The following ADORA2B variants were observed in gnomAD, a reference collection of about 807,000 sequenced individuals.
The protein encoded by ADORA2B is adenosine A2b receptor, also known as adenosine receptor A2b.
Under a neutral mutation model 20.8 loss-of-function variants are expected in ADORA2B, and 18 were observed. The observed-to-expected ratio is 0.87, with a 90% CI of 0.60 to 1.29. ADORA2B has a LOEUF of 1.29. Among genes scored for constraint, ADORA2B ranks in the 50% most tolerant of loss-of-function variants. The pLI, the probability that ADORA2B is intolerant of heterozygous loss-of-function variation, is 0.00. For synonymous variants in ADORA2B, 179 were observed against 178.3 expected (o/e 1.00, Z -0.03); for missense variants, 441 against 422.7 (o/e 1.04, Z -0.38).
chr17:15,882,152 G>A, the ADORA2B span, among the ~76,000 whole-genome samples: 1 of 152,196 alleles, frequency 6.6e-6, no homozygotes, highest in African/African-American at 2.4e-5. Context: ...AACTCATCAA[G>A]GTTGTAGAAT....
At chr17:15,874,692 T>G in the ADORA2B span, among the ~76,000 whole-genome samples, 11 of 152,172 alleles carry the variant, frequency 7.2e-5, no homozygotes, top group South Asian at 1.0e-3. Context: ...ACACCATCTC[T>G]GGGGATAAAA....
chr17:15,915,514 C>CT, the ADORA2B span, among the ~76,000 whole-genome samples: 3 of 152,300 alleles, frequency 2.0e-5, no homozygotes, highest in East Asian at 5.8e-4. Flanking sequence ...TCCATGGAAT[C>CT]TTTCTGTATT....
At chr17:15,960,009 G>T (rs1036516497) in intron 1 of ADORA2B, among the ~76,000 whole-genome samples, 2 of 152,178 alleles carry the variant, frequency 1.3e-5, no homozygotes, top group Non-Finnish European at 2.9e-5. Context: ...TCCGGGCACG[G>T]TGGCTCACAC....
the ADORA2B span, among the ~76,000 whole-genome samples, chr17:15,894,090 T>C: frequency 2.6e-5 from 4 of 152,282 alleles, no homozygotes; most frequent in East Asian, 7.7e-4. Context: ...GAACATACTT[T>C]GGAAAATGCT....
At chr17:15,974,631 T>C in intron 1 of ADORA2B, 48 bp from the exon 2 acceptor site, 1 of 1,522,570 alleles carries the variant, frequency 6.6e-7, no homozygotes. Flanking sequence ...GGATTGTGGT[T>C]GCAGAGCGCT....
At chr17:15,961,531 A>T (rs114559066) in intron 1 of ADORA2B, among the ~76,000 whole-genome samples, 1 of 152,302 alleles carries the variant, frequency 6.6e-6, no homozygotes, top group East Asian at 1.9e-4. Context: ...CTGTAAGGGT[A>T]TGTTTTCCCC....
the ADORA2B span, among the ~76,000 whole-genome samples, chr17:15,910,103 C>T: frequency 2.0e-5 from 3 of 152,136 alleles, no homozygotes; most frequent in African/African-American, 7.2e-5. Flanking sequence ...AGCCTGTTAG[C>T]GCTCCTCTGA....
upstream of ADORA2B, among the ~76,000 whole-genome samples, chr17:15,943,919 C>T (rs898358805): frequency 6.6e-6 from 1 of 152,080 alleles, no homozygotes; most frequent in Non-Finnish European, 1.5e-5. Flanking sequence ...GGTGAAATAG[C>T]GTGGCCAGGA....
chr17:15,951,073 G>A (rs185960033), intron 1 of ADORA2B, among the ~76,000 whole-genome samples: 22 of 152,350 alleles, frequency 1.4e-4, no homozygotes, highest in African/African-American at 5.0e-4. Flanking sequence ...GTCAGGCTAC[G>A]TCATGCCCGG....
chr17:15,904,300 ATATTTTACTGTTGTCTGT>A, the ADORA2B span, among the ~76,000 whole-genome samples: 11 of 150,154 alleles, frequency 7.3e-5, no homozygotes, highest in Admixed American at 7.3e-4. Flanking sequence ...TTTCTTGATG[ATATTTTACTGTTGTCTGT>A]AAAAACTCAT....
chr17:15,951,719 C>T (rs529309327), intron 1 of ADORA2B, among the ~76,000 whole-genome samples: 1 of 152,326 alleles, frequency 6.6e-6, no homozygotes, highest in South Asian at 2.1e-4. Context: ...AGGCCCTCTC[C>T]CTTCGGGGAG....
At chr17:15,956,008 C>A (rs1399108870) in intron 1 of ADORA2B, among the ~76,000 whole-genome samples, 1 of 152,178 alleles carries the variant, frequency 6.6e-6, no homozygotes, top group Non-Finnish European at 1.5e-5. Context: ...GCGTGAGCCA[C>A]GCCTCTGGGA....
intron 1 of ADORA2B, among the ~76,000 whole-genome samples, chr17:15,958,309 C>G (rs1014821025): frequency 6.6e-6 from 1 of 152,202 alleles, no homozygotes; most frequent in Admixed American, 6.5e-5. Context: ...TGAGCCACCA[C>G]GCCCGGCCCA....
the ADORA2B span, among the ~76,000 whole-genome samples, chr17:15,863,874 A>T: frequency 1.3e-5 from 2 of 152,218 alleles, no homozygotes; most frequent in African/African-American, 4.8e-5. Flanking sequence ...GCACAATTTC[A>T]TGTTTATTTC....
the ADORA2B span, among the ~76,000 whole-genome samples, chr17:15,868,882 T>C: frequency 1.3e-5 from 2 of 150,984 alleles, no homozygotes; most frequent in Non-Finnish European, 3.0e-5. Flanking sequence ...TTAAAAATAA[T>C]AAATATAGTT....
chr17:15,936,736 G>A, the ADORA2B span, among the ~76,000 whole-genome samples: 2 of 152,160 alleles, frequency 1.3e-5, no homozygotes, highest in African/African-American at 4.8e-5. Context: ...CAGAAGGATC[G>A]CTTGCAGCCA....
the ADORA2B span, among the ~76,000 whole-genome samples, chr17:15,879,944 A>T: frequency 2.7e-5 from 4 of 146,644 alleles, no homozygotes; most frequent in South Asian, 8.3e-4. Context: ...GAAACTTCTC[A>T]TTTAAAAGTT....
At chr17:15,874,058 ATGTGTG>A in the ADORA2B span, among the ~76,000 whole-genome samples, 197 of 91,246 alleles carry the variant, frequency 2.2e-3, 2 homozygotes, top group African/African-American at 7.2e-3. Flanking sequence ...ATATATATAT[ATGTGTG>A]TGTGTATATA....
At chr17:15,973,011 C>G (rs1970207076) in intron 1 of ADORA2B, among the ~76,000 whole-genome samples, 1 of 152,122 alleles carries the variant, frequency 6.6e-6, no homozygotes, top group Non-Finnish European at 1.5e-5. Flanking sequence ...TGAAGATGAC[C>G]AAAAAATTTA....
Sources: allele counts gnomAD v4.1 joint callset (sites outside exome capture counted in the v4.1 genomes callset), GRCh38; gene constraint gnomAD v4.1.1; transcripts MANE v1.5; gene names NCBI Gene and HGNC (gene_info 2026-07-23, HGNC 2026-07-21).